The following VPS33A variants were observed in gnomAD, a reference collection of about 807,000 sequenced individuals.
The protein encoded by VPS33A is vacuolar protein sorting-associated protein 33A.
A neutral mutation model predicts 71.8 loss-of-function variants in VPS33A; 32 were observed. The observed-to-expected ratio is 0.45, with a 90% CI of 0.34 to 0.60. VPS33A has a LOEUF of 0.60. Ranked by LOEUF, VPS33A falls within the 20% of genes least tolerant of loss-of-function variation. The pLI is 0.02. For synonymous variants in VPS33A, 311 were observed against 292.7 expected, an observed-to-expected ratio of 1.06 and a Z score of -0.64; for missense variants, 625 against 748.5, an observed-to-expected ratio of 0.84 and a Z score of 1.92.
At position 122,249,933 on chromosome 12, in the gene VPS33A, G is replaced by T; in HGVS notation, c.713C>A (p.Thr238Lys). 1 of 1,614,138 alleles carries T rather than the reference G, an allele frequency of 6.2e-7. No individual in the cohort carries two copies. The highest frequency in any genetic ancestry group is 1.1e-5 in the South Asian group (1 of 91,068). ...ATATGTCAGCTGAGTGGCAAGAGGT[G>T]TTAATAAATCCACATTCCGATCAAG... ...LLLDRNVDLL[T>K]PLATQLTYEG... is the part of the protein sequence containing the mutation. Residue 238 changes from threonine (T) to lysine (K), a missense_variant, in exon 6 of 13, where the codon ACA becomes AAA. Thr to Lys is a moderately conservative substitution (Grantham distance 78). Coordinates refer to ENST00000267199, the MANE Select transcript of VPS33A (RefSeq NM_022916.6).
intron 11 of VPS33A, among the ~76,000 whole-genome samples, chr12:122,233,724 A>G (rs531806702): frequency 6.6e-6 from 1 of 152,246 alleles, no homozygotes; most frequent in Non-Finnish European, 1.5e-5. Flanking sequence ...CTGAATTTCT[A>G]TCAATAGCAA....
chr12:122,233,067 T>A, intron 11 of VPS33A, 99 bp from the exon 12 acceptor site: 1 of 1,312,774 alleles, frequency 7.6e-7, no homozygotes. Flanking sequence ...GATTTGGATT[T>A]AAAGATATAC....
chr12:122,230,605 A>G lies in VPS33A; in HGVS notation c.*1641T>C, dbSNP rs1954548248. ...AAACAAACAAAAACAAAACAAAACA[A>G]AAACCTCCACTAATGAAAAAGGTGG... On this transcript the variant is annotated 3_prime_UTR_variant, in exon 13 of 13. Coordinates refer to ENST00000267199, the MANE Select transcript of VPS33A (RefSeq NM_022916.6). 1 of 152,184 alleles carries G rather than the reference A, an allele frequency of 6.6e-6. No homozygotes were observed. The highest frequency in any genetic ancestry group is 2.1e-4 in the South Asian group (1 of 4,826). 9.4% of individuals were successfully genotyped at this position (152,184 alleles called of 1,614,324 possible). A position where few individuals can be genotyped will look rare whatever the true frequency, so the allele number is the denominator to read the frequency against.
chr12:122,241,831 G>C (rs1413075267), intron 8 of VPS33A, among the ~76,000 whole-genome samples: 3 of 152,064 alleles, frequency 2.0e-5, no homozygotes, highest in Non-Finnish European at 2.9e-5. Flanking sequence ...GGACTCAAGT[G>C]ATCTGCCTGC....
At chr12:122,233,696 G>A (rs1411525010) in intron 11 of VPS33A, among the ~76,000 whole-genome samples, 3 of 152,196 alleles carry the variant, frequency 2.0e-5, no homozygotes, top group Non-Finnish European at 4.4e-5. Flanking sequence ...GCATGTAACA[G>A]TAAAGACTGG....
At chr12:122,246,765 A>G (rs571134717) in intron 6 of VPS33A, among the ~76,000 whole-genome samples, 4 of 151,796 alleles carry the variant, frequency 2.6e-5, no homozygotes, top group African/African-American at 9.7e-5. Flanking sequence ...ATACCTGGCT[A>G]ATTTTTTTTT....
chr12:122,258,145 T>C (rs945414098), intron 4 of VPS33A, among the ~76,000 whole-genome samples: 3 of 151,972 alleles, frequency 2.0e-5, no homozygotes, highest in Admixed American at 2.0e-4. Flanking sequence ...ATCCCAGCAC[T>C]TTGGGAGGCT....
At chr12:122,266,163 G>C (rs1163775700) in intron 1 of VPS33A, 144 bp downstream of exon 1, 2 of 1,221,582 alleles carry the variant, frequency 1.6e-6, no homozygotes, top group African/African-American at 3.0e-5. Context: ...TCCTGCACAG[G>C]GGTGCAGGTA....
intron 4 of VPS33A, among the ~76,000 whole-genome samples, chr12:122,254,207 G>A (rs1476109192): frequency 6.6e-6 from 1 of 152,120 alleles, no homozygotes; most frequent in Non-Finnish European, 1.5e-5. Flanking sequence ...GGTCACAACT[G>A]TAACTCAAAA....
At chr12:122,246,840 G>A (rs1954783928) in intron 6 of VPS33A, among the ~76,000 whole-genome samples, 1 of 152,160 alleles carries the variant, frequency 6.6e-6, no homozygotes, top group African/African-American at 2.4e-5. Flanking sequence ...GACCTCAGGT[G>A]ATTGGCCCGC....
chr12:122,238,552 C>A (rs1158883760), intron 10 of VPS33A, 35 bp downstream of exon 10: 1 of 1,591,494 alleles, frequency 6.3e-7, no homozygotes, highest in African/African-American at 1.4e-5. Flanking sequence ...GATGCTGTCC[C>A]CCTTGGCAAA....
rs1189425814 is a variant in VPS33A at position 122,230,061 on chromosome 12, A to G, written c.*2185T>C. On this transcript the variant is annotated 3_prime_UTR_variant, in exon 13 of 13. Coordinates refer to ENST00000267199, the MANE Select transcript of VPS33A (RefSeq NM_022916.6). ...TGACTGCCTGAGGTGGAAGGTATAA[A>G]CTAATCTCCCTGGGATATAACAAGT... is the stretch of plus-strand genomic sequence containing the variant. The G allele has an allele frequency of 6.6e-6, 1 of 152,210 alleles. No individual in the cohort carries two copies. The highest frequency in any genetic ancestry group is 1.5e-5 in the Non-Finnish European group (1 of 68,046). The allele number at this position is 152,210 out of a possible 1,614,324, so 9.4% of individuals were successfully genotyped here.
chr12:122,236,057 G>C, intron 10 of VPS33A, 134 bp from the exon 11 acceptor site: 1 of 1,091,224 alleles, frequency 9.2e-7, no homozygotes, highest in African/African-American at 1.6e-5. Flanking sequence ...AATGTTAGTG[G>C]ATGGGCACAG....
intron 6 of VPS33A, chr12:122,249,439 G>C (rs1244757207): frequency 6.6e-6 from 1 of 152,656 alleles, no homozygotes; most frequent in African/African-American, 2.4e-5. Context: ...TTGCCAGACT[G>C]GTCTTGAACA....
At position 122,263,577 on chromosome 12, in the gene VPS33A, C is replaced by A; in HGVS notation, c.291G>T (p.Val97=). 3.1e-6 allele frequency: 5 copies of A among 1,604,100 alleles called. No homozygotes were observed. The South Asian group carries it at 5.5e-5, about 18-fold the overall frequency. The change falls in exon 3 of 13, where the codon GTG becomes GTT. Residue 97 remains valine (V), a synonymous_variant. Transcript: ENST00000267199. ...LELMDIIAEN[V]LSEDRRGPTR... is the part of the protein sequence containing the mutation. ...AAACACAAGCTCTGAGATACCTGAG[C>A]ACGTTTTCAGCGATTATATCCATCA...
At chr12:122,253,994 T>C (rs2136142508) in intron 4 of VPS33A, among the ~76,000 whole-genome samples, 1 of 152,188 alleles carries the variant, frequency 6.6e-6, no homozygotes, top group East Asian at 1.9e-4. Flanking sequence ...ACCCTTAACA[T>C]TTAAATGCGC....
chr12:122,235,921 T>A lies in VPS33A; in HGVS notation c.1305A>T (p.Thr435=), dbSNP rs759248670. ...AGGTCAATATGTGCTCATAGCCGTA[T>A]GTCTGCAAGGGAAGTCATTTGGCCT... The part of the protein sequence containing the change: ...LDYYKREILQ[T]YGYEHILTLH... The change falls in exon 11 of 13, where the codon ACA becomes ACT. Residue 435 remains threonine, a splice_region_variant and synonymous_variant. Transcript: ENST00000267199. 3.1e-6 allele frequency: 5 copies of A among 1,605,346 alleles called. No individual in the cohort carries two copies. The highest frequency in any genetic ancestry group is 4.2e-6 in the Non-Finnish European group (5 of 1,176,794).
At chr12:122,263,316 G>A (rs1473595490) in intron 3 of VPS33A, among the ~76,000 whole-genome samples, 1 of 152,102 alleles carries the variant, frequency 6.6e-6, no homozygotes, top group East Asian at 1.9e-4. Flanking sequence ...TTAAAAATAC[G>A]TAATTATTAT....
Position 122,244,621 on chromosome 12 carries a change from G to A in VPS33A, c.917C>T (p.Ala306Val). 1 of 1,614,062 alleles carries A rather than the reference G, an allele frequency of 6.2e-7. No individual in the cohort carries two copies. Among genetic ancestry groups the A allele is most frequent in the Non-Finnish European group, 8.5e-7 (1 of 1,179,934 alleles). Reference sequence around the variant, plus strand: ...TTTCTTGCTGAGCACAGAGCCAACTGCGTTGAAGTTCTTATCTCGGATCTC... The same window carrying A: ...TTTCTTGCTGAGCACAGAGCCAACTACGTTGAAGTTCTTATCTCGGATCTC... ...YAEIRDKNFNAVGSVLSKKAK... is the reference protein window; with the variant it reads ...YAEIRDKNFNVVGSVLSKKAK... Residue 306 changes from alanine to valine, a missense_variant, in exon 7 of 13, where the codon GCA becomes GTA. By Grantham distance (64) the Ala-to-Val change is moderately conservative. Transcript: ENST00000267199.
Sources: allele counts gnomAD v4.1 joint callset (sites outside exome capture counted in the v4.1 genomes callset), GRCh38; gene constraint gnomAD v4.1.1; transcripts MANE v1.5; gene names NCBI Gene and HGNC (gene_info 2026-07-23, HGNC 2026-07-21).